The following FER variants were observed in gnomAD, a reference collection of about 807,000 sequenced individuals.
FER encodes FER tyrosine kinase.
FER carries 63 observed loss-of-function variants against 111.0 expected under a neutral mutation model. That is an observed-to-expected ratio of 0.57 (90% CI 0.46 to 0.70). FER has a LOEUF of 0.70. Ranked by LOEUF, FER falls within the 30% of genes least tolerant of loss-of-function variation. The probability of loss-of-function intolerance (pLI) is 0.00; values close to 1 mark genes in which losing one functional copy is unlikely to be tolerated. For synonymous variants in FER, 327 were observed against 313.9 expected (o/e 1.04, Z -0.44); for missense variants, 914 against 954.0 (o/e 0.96, Z 0.55).
At position 109,113,352 on chromosome 5, in the gene FER, A is replaced by G. The variant is rs117320162; in HGVS notation, c.2048+12833A>G. On this transcript the variant is annotated intron_variant, in intron 17 of 19. Transcript: ENST00000281092. ...GATACAGAAAAGGTGTAGACTATAT[A>G]TACCTACTCAAATATATTTCTTTTT... Among the ~76,000 whole-genome samples the G allele has an allele frequency of 7.9e-4, 120 of 152,292 alleles. 2 individuals are homozygous for G. In the East Asian group the frequency reaches 0.021, roughly 27 times the overall value.
intron 13 of FER, among the ~76,000 whole-genome samples, chr5:109,035,692 A>T (rs186933281): frequency 2.2e-3 from 330 of 152,308 alleles, no homozygotes; most frequent in African/African-American, 7.4e-3. Flanking sequence ...GTTTAACTTT[A>T]TGAGAAACTT....
intron 3 of FER, among the ~76,000 whole-genome samples, chr5:108,805,664 CT>C (rs1410646742): frequency 3.9e-5 from 6 of 152,132 alleles, no homozygotes; most frequent in Non-Finnish European, 7.4e-5. Flanking sequence ...GCACAGGTGA[CT>C]CTTGTTTTGT....
At chr5:109,077,257 A>G (rs1005422669) in intron 16 of FER, among the ~76,000 whole-genome samples, 8 of 152,226 alleles carry the variant, frequency 5.3e-5, no homozygotes, top group Admixed American at 3.9e-4. Context: ...GAGAAATCCT[A>G]TTTAGAGTAC....
At chr5:108,934,166 G>A (rs866229020) in intron 10 of FER, among the ~76,000 whole-genome samples, 51 of 152,106 alleles carry the variant, frequency 3.4e-4, no homozygotes, top group African/African-American at 1.2e-3. Context: ...CTGATGCCCA[G>A]CGTTTGCTTG....
intron 13 of FER, among the ~76,000 whole-genome samples, chr5:109,014,200 GT>G (rs1483247380): frequency 1.3e-5 from 2 of 151,700 alleles, no homozygotes; most frequent in Admixed American, 1.3e-4. Flanking sequence ...TTCTTCTAGG[GT>G]TTTTATGGTT....
At chr5:109,073,365 T>C (rs1186070488) in intron 16 of FER, among the ~76,000 whole-genome samples, 1 of 152,166 alleles carries the variant, frequency 6.6e-6, no homozygotes, top group Non-Finnish European at 1.5e-5. Flanking sequence ...GGTCAGAGCA[T>C]TGATGACCAT....
chr5:108,944,454 G>A (rs558486835), intron 10 of FER, among the ~76,000 whole-genome samples: 59 of 152,168 alleles, frequency 3.9e-4, no homozygotes, highest in African/African-American at 1.2e-3. Flanking sequence ...TGAGTAAAAT[G>A]AGAGTATCAC....
chr5:108,998,958 C>G (rs1446227811), intron 13 of FER, among the ~76,000 whole-genome samples: 2 of 152,092 alleles, frequency 1.3e-5, no homozygotes, highest in African/African-American at 4.8e-5. Context: ...GTTTTTATTA[C>G]TTTGATACAT....
intron 16 of FER, among the ~76,000 whole-genome samples, chr5:109,068,207 G>A (rs915726409): frequency 6.0e-5 from 9 of 150,312 alleles, no homozygotes; most frequent in Non-Finnish European, 8.9e-5. Context: ...TTTTTGAGAC[G>A]GAGTCTTACT....
At chr5:108,806,608 G>C (rs183512282) in intron 3 of FER, among the ~76,000 whole-genome samples, 1 of 152,202 alleles carries the variant, frequency 6.6e-6, no homozygotes, top group Non-Finnish European at 1.5e-5. Flanking sequence ...TTGCATCTGC[G>C]TGACCTGGAT....
chr5:108,767,800 A>G (rs1752484165), intron 1 of FER, among the ~76,000 whole-genome samples: 1 of 152,224 alleles, frequency 6.6e-6, no homozygotes, highest in Non-Finnish European at 1.5e-5. Context: ...ACTTGAAGTT[A>G]GTTTTATGAT....
intron 13 of FER, among the ~76,000 whole-genome samples, chr5:108,963,451 A>C (rs1759402428): frequency 6.6e-6 from 1 of 152,118 alleles, no homozygotes; most frequent in Non-Finnish European, 1.5e-5. Context: ...AATCCCAGCT[A>C]CTTGGGGGGC....
At chr5:109,008,129 T>C (rs531770892) in intron 13 of FER, among the ~76,000 whole-genome samples, 19 of 152,344 alleles carry the variant, frequency 1.2e-4, no homozygotes, top group East Asian at 5.8e-4. Context: ...ATTAAAATTA[T>C]AATCTTGTAC....
At chr5:108,973,018 A>G (rs1048215296) in intron 13 of FER, among the ~76,000 whole-genome samples, 2 of 152,164 alleles carry the variant, frequency 1.3e-5, no homozygotes, top group African/African-American at 4.8e-5. Context: ...TCTGTATTTT[A>G]TACTACGGCA....
chr5:108,780,348 A>G (rs1295650598), intron 2 of FER, among the ~76,000 whole-genome samples: 1 of 150,426 alleles, frequency 6.6e-6, no homozygotes, highest in Non-Finnish European at 1.5e-5. Flanking sequence ...TTTGAAGGAT[A>G]ATTTTTCAAG....
intron 3 of FER, among the ~76,000 whole-genome samples, chr5:108,807,996 GT>G (rs765672336): frequency 1.2e-3 from 165 of 140,192 alleles, no homozygotes; most frequent in Admixed American, 1.8e-3. Context: ...GTATGATTTA[GT>G]TTTTTTTTTT....
rs147284439 is a variant in FER, at chr5:109,012,356, G to A, written c.1657-25066G>A. Among the ~76,000 whole-genome samples the A allele has an allele frequency of 2.7e-4, 41 of 152,230 alleles. No homozygotes were observed. In the East Asian group the frequency reaches 7.1e-3, roughly 27 times the overall value. ...GTTGCTTATTTAGTATGTTTTTCAT[G>A]GGAGGGATAGCAACATTGCCTTCAA... On this transcript the variant is annotated intron_variant, in intron 13 of 19. Coordinates refer to ENST00000281092, the MANE Select transcript of FER (RefSeq NM_005246.4).
chr5:108,850,698 TTC>T (rs1762466995), intron 5 of FER, among the ~76,000 whole-genome samples: 1 of 152,202 alleles, frequency 6.6e-6, no homozygotes, highest in African/African-American at 2.4e-5. Flanking sequence ...TATCTGTGTA[TTC>T]TGTTTATTAC....
At chr5:109,026,766 C>T (rs567949528) in intron 13 of FER, among the ~76,000 whole-genome samples, 1 of 152,230 alleles carries the variant, frequency 6.6e-6, no homozygotes, top group Non-Finnish European at 1.5e-5. Flanking sequence ...GCAACTTCCG[C>T]CTCCCGGGTT....
Sources: gnomAD v4.1 joint callset for allele counts (sites outside exome capture counted in the v4.1 genomes callset) on GRCh38, gnomAD v4.1.1 for gene constraint, MANE v1.5 for transcripts, NCBI Gene and HGNC (gene_info 2026-07-23, HGNC 2026-07-21) for gene names.